COL15A1: variants seen among roughly 807,000 people sequenced by gnomAD.
COL15A1 encodes collagen alpha-1(XV) chain.
COL15A1 carries 111 observed loss-of-function variants against 165.9 expected under a neutral mutation model. The observed-to-expected ratio is 0.67, with a 90% CI of 0.57 to 0.78. The LOEUF is 0.78. COL15A1 is among the 30% of genes least tolerant of loss of function. The pLI is 0.00. For missense variants in COL15A1, 1,745 were observed against 1,789.7 expected (o/e 0.98, Z 0.45); for synonymous variants, 659 against 674.8 (o/e 0.98, Z 0.36).
At chr9:99,061,886 T>C (rs1169878265) in intron 36 of COL15A1, 85 bp from the exon 37 acceptor site, 7 of 1,470,716 alleles carry the variant, frequency 4.8e-6, no homozygotes, top group Non-Finnish European at 6.4e-6. Context: ...CGGCTCCTAG[T>C]TGACTTTACA....
At chr9:99,012,272 G>A (rs923810498) in intron 9 of COL15A1, among the ~76,000 whole-genome samples, 14 of 152,032 alleles carry the variant, frequency 9.2e-5, no homozygotes, top group African/African-American at 2.9e-4. Flanking sequence ...ACCTTGTAGC[G>A]AAAAACACAA....
rs1015642123 is a variant in COL15A1, at chr9:98,978,327, A to G, written c.101-7238A>G. On this transcript the variant is annotated intron_variant, in intron 2 of 41. Coordinates refer to ENST00000375001, the MANE Select transcript of COL15A1 (RefSeq NM_001855.5). ...CAGGCCCTTCTCCCTGTGTCGCCTG[A>G]ACGCTTAACCTGGCCCTGGATCCCT... Among the ~76,000 whole-genome samples, 8 of 152,256 alleles carry G rather than the reference A, an allele frequency of 5.3e-5. 1 individual carries two copies. The highest frequency in any genetic ancestry group is 2.6e-4 in the Admixed American group (4 of 15,288).
At chr9:98,993,471 C>T (rs1473260195) in intron 5 of COL15A1, among the ~76,000 whole-genome samples, 3 of 152,180 alleles carry the variant, frequency 2.0e-5, no homozygotes, top group African/African-American at 7.2e-5. Flanking sequence ...TGACCTTAAC[C>T]TGTCTGTTCC....
intron 14 of COL15A1, 74 bp from the exon 15 acceptor site, chr9:99,024,800 A>T (rs1839092179): frequency 1.3e-6 from 2 of 1,506,300 alleles, no homozygotes; most frequent in South Asian, 1.3e-5. Context: ...AATTTGAGAG[A>T]TTGCATGAAG....
intron 2 of COL15A1, among the ~76,000 whole-genome samples, chr9:98,949,041 A>T (rs559361066): frequency 5.8e-4 from 89 of 152,294 alleles, no homozygotes; most frequent in African/African-American, 2.1e-3. Flanking sequence ...CCTTGACATT[A>T]ACAGTCATCC....
chr9:98,948,939 C>T (rs1469464920), intron 2 of COL15A1, among the ~76,000 whole-genome samples: 4 of 152,200 alleles, frequency 2.6e-5, no homozygotes, highest in Non-Finnish European at 4.4e-5. Flanking sequence ...AACATGTAAT[C>T]CAGATGAAGA....
chr9:98,991,324 G>A (rs1396657585), intron 5 of COL15A1, among the ~76,000 whole-genome samples: 1 of 152,168 alleles, frequency 6.6e-6, no homozygotes, highest in Non-Finnish European at 1.5e-5. Context: ...TTTACAGAGA[G>A]CTGATTGGTC....
intron 20 of COL15A1, 46 bp downstream of exon 20, chr9:99,036,251 G>T (rs781483400): frequency 6.2e-7 from 1 of 1,613,708 alleles, no homozygotes; most frequent in East Asian, 2.2e-5. Context: ...TTTCCAGCCT[G>T]GTTCTGGGAG....
At chr9:98,965,307 T>C (rs1261351104) in intron 2 of COL15A1, among the ~76,000 whole-genome samples, 1 of 152,130 alleles carries the variant, frequency 6.6e-6, no homozygotes, top group African/African-American at 2.4e-5. Flanking sequence ...GACTCCAGTC[T>C]CCTAAAGGAA....
intron 2 of COL15A1, among the ~76,000 whole-genome samples, chr9:98,977,796 C>T (rs1046566514): frequency 6.6e-6 from 1 of 152,244 alleles, no homozygotes; most frequent in Non-Finnish European, 1.5e-5. Context: ...CCTTGCATTT[C>T]CCATCTGTCG....
Position 99,047,905 on chromosome 9 carries a change from C to A in COL15A1, c.2734-36C>A, listed in dbSNP as rs760733578. On this transcript the variant is annotated intron_variant, in intron 27 of 41. Transcript: ENST00000375001. Reference sequence around the variant, plus strand: ...CACGTGGGCCAGGCTGGTCTGTGGGCGGAGGGTTTACTGAGGTGTCTGCTG... The same window carrying A: ...CACGTGGGCCAGGCTGGTCTGTGGGAGGAGGGTTTACTGAGGTGTCTGCTG... 2.5e-6 allele frequency: 4 copies of A among 1,607,832 alleles called. No homozygotes were observed. In the South Asian group the frequency reaches 4.4e-5, roughly 18 times the overall value.
chr9:98,985,529 A>G, intron 2 of COL15A1, 36 bp from the exon 3 acceptor site: 1 of 1,573,750 alleles, frequency 6.4e-7, no homozygotes, highest in Non-Finnish European at 8.6e-7. Context: ...AGTGGAATAT[A>G]CCTGTAAAGC....
chr9:98,998,223 G>T (rs748558791), intron 6 of COL15A1, among the ~76,000 whole-genome samples: 2 of 152,114 alleles, frequency 1.3e-5, no homozygotes, highest in African/African-American at 4.8e-5. Flanking sequence ...ATTATGGATG[G>T]TTTTTACTTT....
chr9:98,948,979 A>G (rs1448766748), intron 2 of COL15A1, among the ~76,000 whole-genome samples: 1 of 152,140 alleles, frequency 6.6e-6, no homozygotes, highest in Admixed American at 6.5e-5. Flanking sequence ...GGTCTCCTAA[A>G]CCCCTTTGCT....
intron 9 of COL15A1, among the ~76,000 whole-genome samples, chr9:99,013,217 A>C (rs1431759684): frequency 6.6e-6 from 1 of 151,920 alleles, no homozygotes; most frequent in Non-Finnish European, 1.5e-5. Flanking sequence ...TCCTATATGC[A>C]CTTCCTGAAT....
chr9:99,026,432 C>T (rs1839125705), intron 16 of COL15A1, among the ~76,000 whole-genome samples: 1 of 152,212 alleles, frequency 6.6e-6, no homozygotes, highest in African/African-American at 2.4e-5. Context: ...AGTTCACCTT[C>T]CTGTAGCAGG....
At position 98,943,992 on chromosome 9, in the gene COL15A1, C is replaced by G; in HGVS notation, c.-70C>G. On this transcript the variant is annotated 5_prime_UTR_variant, in exon 1 of 42. Transcript: ENST00000375001. ...CGGCGGCCAGCGCTCAGCGACCCTT[C>G]GTCCTCCGCTAAGCTCCAACGCTCT... is the stretch of plus-strand genomic sequence containing the variant. 1.9e-6 allele frequency: 3 copies of G among 1,598,048 alleles called. No individual in the cohort carries two copies. The highest frequency in any genetic ancestry group is 2.2e-5 in the South Asian group (2 of 89,828).
At chr9:98,976,121 T>G (rs1306145311) in intron 2 of COL15A1, among the ~76,000 whole-genome samples, 1 of 152,186 alleles carries the variant, frequency 6.6e-6, no homozygotes, top group Admixed American at 6.5e-5. Context: ...GCACACATGT[T>G]CCAGGCTTAG....
intron 38 of COL15A1, among the ~76,000 whole-genome samples, chr9:99,062,667 G>A (rs1055853592): frequency 6.6e-6 from 1 of 152,158 alleles, no homozygotes; most frequent in Non-Finnish European, 1.5e-5. Flanking sequence ...TGGGCAACTG[G>A]CATTGTCCAT....
Sources: allele counts gnomAD v4.1 joint callset (sites outside exome capture counted in the v4.1 genomes callset), GRCh38; gene constraint gnomAD v4.1.1; transcripts MANE v1.5; gene names NCBI Gene and HGNC (gene_info 2026-07-23, HGNC 2026-07-21).